RAB28: variants seen among roughly 807,000 people sequenced by gnomAD.
RAB28 encodes RAB28, member RAS oncogene family.
A neutral mutation model predicts 31.7 loss-of-function variants in RAB28; 24 were observed. That is an observed-to-expected ratio of 0.76 (90% CI 0.55 to 1.06). RAB28 has a LOEUF of 1.06. Ranked by LOEUF, RAB28 falls within the 50% of genes least tolerant of loss-of-function variation. RAB28 has a pLI of 0.00. For synonymous variants in RAB28, 100 were observed against 90.4 expected (o/e 1.11, Z -0.60); for missense variants, 254 against 258.5 (o/e 0.98, Z 0.12).
intron 4 of RAB28, among the ~76,000 whole-genome samples, chr4:13,442,493 A>T (rs1714474344): frequency 6.6e-6 from 1 of 152,064 alleles, no homozygotes; most frequent in Non-Finnish European, 1.5e-5. Context: ...CAAAAAAAAA[A>T]AACTTCTAAA....
At chr4:13,402,589 T>A (rs1031374890) in intron 4 of RAB28, among the ~76,000 whole-genome samples, 2 of 152,232 alleles carry the variant, frequency 1.3e-5, no homozygotes, top group African/African-American at 4.8e-5. Context: ...CCTTTTCCCA[T>A]CCTTCTATTT....
At chr4:13,458,868 C>T (rs982534638) in intron 4 of RAB28, among the ~76,000 whole-genome samples, 6 of 152,172 alleles carry the variant, frequency 3.9e-5, no homozygotes, top group African/African-American at 1.4e-4. Flanking sequence ...TGTGTAAATA[C>T]ACTCTATGTG....
chr4:13,376,145 C>T (rs1249733557), intron 6 of RAB28, among the ~76,000 whole-genome samples: 1 of 151,998 alleles, frequency 6.6e-6, no homozygotes, highest in African/African-American at 2.4e-5. Flanking sequence ...TAATTAATAA[C>T]ACTACTAAAC....
chr4:13,408,593 A>T (rs1344486751), intron 4 of RAB28, among the ~76,000 whole-genome samples: 1 of 152,064 alleles, frequency 6.6e-6, no homozygotes, highest in Non-Finnish European at 1.5e-5. Flanking sequence ...AGCTTTTTAA[A>T]ACTCTGCATA....
chr4:13,401,832 T>G (rs1711782665), intron 4 of RAB28, among the ~76,000 whole-genome samples: 1 of 152,192 alleles, frequency 6.6e-6, no homozygotes, highest in African/African-American at 2.4e-5. Context: ...TGCCTTTCAT[T>G]TTCGATATTC....
intron 6 of RAB28, chr4:13,370,456 C>G (rs1172104484): frequency 3.9e-6 from 3 of 775,618 alleles, no homozygotes; most frequent in African/African-American, 3.8e-5. Context: ...AGAATCTATT[C>G]ACAAGTTGCT....
rs527320856 is a variant in RAB28 at position 13,484,046 on chromosome 4, C to T, written c.75+30G>A. ...GGGGACCGCCGGGGTTCCTGCAGGC[C>T]TGGGACGGCGGGCCTGCTCGAGGAC... On this transcript the variant is annotated intron_variant, in intron 1 of 6. Coordinates refer to ENST00000330852, the MANE Select transcript of RAB28 (RefSeq NM_001017979.3). The T allele has an allele frequency of 4.5e-6, 7 of 1,571,642 alleles. No individual in the cohort carries two copies. The South Asian group carries it at 8.1e-5, about 18-fold the overall frequency.
At chr4:13,480,713 G>A (rs1017380845) in intron 1 of RAB28, among the ~76,000 whole-genome samples, 9 of 151,848 alleles carry the variant, frequency 5.9e-5, no homozygotes, top group South Asian at 2.1e-4. Context: ...AATAAATTTC[G>A]AAGATAATTG....
intron 4 of RAB28, among the ~76,000 whole-genome samples, chr4:13,387,182 A>G (rs953321503): frequency 1.3e-5 from 2 of 152,058 alleles, no homozygotes; most frequent in Non-Finnish European, 2.9e-5. Flanking sequence ...AATCTGTACA[A>G]CAAACTCTCA....
chr4:13,427,252 CT>C (rs1713555482), intron 4 of RAB28, among the ~76,000 whole-genome samples: 1 of 152,112 alleles, frequency 6.6e-6, no homozygotes, highest in Non-Finnish European at 1.5e-5. Context: ...ACTTAAGGGC[CT>C]TCTTAAAATA....
chr4:13,442,579 A>C (rs1325699585), intron 4 of RAB28, among the ~76,000 whole-genome samples: 14 of 151,740 alleles, frequency 9.2e-5, no homozygotes, highest in Admixed American at 9.2e-4. Context: ...TGTATTTCAT[A>C]GATATTTCAT....
intron 4 of RAB28, among the ~76,000 whole-genome samples, chr4:13,391,998 G>A (rs181829473): frequency 3.7e-4 from 57 of 152,114 alleles, no homozygotes; most frequent in African/African-American, 1.1e-3. Flanking sequence ...CATTAGGAAC[G>A]TATTAGGTAT....
chr4:13,371,331 T>A, intron 6 of RAB28: 1 of 985,304 alleles, frequency 1.0e-6, no homozygotes, highest in Non-Finnish European at 1.2e-6. Flanking sequence ...TATACCATTA[T>A]CTAACCTCCC....
rs578133113 is a variant in RAB28 at position 13,424,759 on chromosome 4, C to G, written c.391+35940G>C. Among the ~76,000 whole-genome samples, 9 of 152,314 alleles carry G rather than the reference C, an allele frequency of 5.9e-5. No individual in the cohort carries two copies. The South Asian group carries it at 1.7e-3, about 28-fold the overall frequency. On this transcript the variant is annotated intron_variant, in intron 4 of 6. Coordinates refer to ENST00000330852, the MANE Select transcript of RAB28 (RefSeq NM_001017979.3). The stretch of plus-strand genomic sequence containing the variant: ...ATCCATGTTCCTGAAGTTAAACCCT[C>G]TTTTTGTAGACTGGATCCTACCTTC...
At chr4:13,469,678 T>G (rs1047211516) in intron 3 of RAB28, among the ~76,000 whole-genome samples, 2 of 152,006 alleles carry the variant, frequency 1.3e-5, no homozygotes, top group Non-Finnish European at 2.9e-5. Context: ...TGGATACCAT[T>G]TTCAAGGTAA....
At chr4:13,427,655 C>T (rs1175168635) in intron 4 of RAB28, among the ~76,000 whole-genome samples, 5 of 152,058 alleles carry the variant, frequency 3.3e-5, no homozygotes, top group African/African-American at 4.8e-5. Context: ...CTAAGCTGCA[C>T]GTGAATATGG....
intron 4 of RAB28, among the ~76,000 whole-genome samples, chr4:13,393,418 C>T (rs1027302478): frequency 3.3e-5 from 5 of 152,226 alleles, no homozygotes; most frequent in South Asian, 4.1e-4. Context: ...AGTTTACGTG[C>T]GAATAGGTGA....
chr4:13,436,934 A>C (rs1410838043), intron 4 of RAB28, among the ~76,000 whole-genome samples: 1 of 151,920 alleles, frequency 6.6e-6, no homozygotes, highest in Non-Finnish European at 1.5e-5. Flanking sequence ...GAACAACAAA[A>C]GCATCACATT....
At chr4:13,379,553 G>C (rs1316551372) in intron 5 of RAB28, among the ~76,000 whole-genome samples, 1 of 152,162 alleles carries the variant, frequency 6.6e-6, no homozygotes, top group African/African-American at 2.4e-5. Context: ...AAGAGGTTAA[G>C]ATTTTGCAAA....
Sources: gnomAD v4.1 joint callset for allele counts (sites outside exome capture counted in the v4.1 genomes callset) on GRCh38, gnomAD v4.1.1 for gene constraint, MANE v1.5 for transcripts, NCBI Gene and HGNC (gene_info 2026-07-23, HGNC 2026-07-21) for gene names.